ZNF846: variants seen among roughly 807,000 people sequenced by gnomAD.
The protein encoded by ZNF846 is zinc finger protein 420 pseudogene.
ZNF846 carries 15 observed loss-of-function variants against 16.0 expected under a neutral mutation model. That is an observed-to-expected ratio of 0.94 (90% confidence interval 0.63 to 1.45). ZNF846 has a LOEUF of 1.45. Ranked by LOEUF, ZNF846 falls within the 40% of genes most tolerant of loss-of-function variation. The pLI, the probability that ZNF846 is intolerant of heterozygous loss-of-function variation, is 0.00. For missense variants in ZNF846, 714 were observed against 622.3 expected (o/e 1.15, Z -1.57); for synonymous variants, 229 against 212.0 (o/e 1.08, Z -0.70).
chr19:9,748,936 C>T (rs2045064236), downstream of ZNF846, among the ~76,000 whole-genome samples: 1 of 152,136 alleles, frequency 6.6e-6, no homozygotes, highest in Admixed American at 6.5e-5. Context: ...GATTCCCAGC[C>T]ATATGAAGAC....
chr19:9,780,913 C>A (rs1599404034), intron 1 of ZNF846, among the ~76,000 whole-genome samples: 2 of 152,214 alleles, frequency 1.3e-5, no homozygotes, highest in South Asian at 4.1e-4. Context: ...CACTGATACC[C>A]ATGACACATC....
chr19:9,774,944 A>G, intron 1 of ZNF846: 1 of 1,609,502 alleles, frequency 6.2e-7, no homozygotes, highest in Non-Finnish European at 8.5e-7. Flanking sequence ...ATATGGGGAA[A>G]GTGACCTGTG....
At chr19:9,785,203 T>TC in intron 1 of ZNF846, among the ~76,000 whole-genome samples, 1 of 144,702 alleles carries the variant, frequency 6.9e-6, no homozygotes, top group South Asian at 2.3e-4. Context: ...CACCGAGATT[T>TC]TTTTTTTTTT....
rs530751586 is a variant in ZNF846 at position 9,757,521 on chromosome 19, G to A, written c.1556C>T (p.Ser519Leu). The A allele has an allele frequency of 3.5e-4, 564 of 1,610,316 alleles. 6 individuals are homozygous for A. In the South Asian group the frequency reaches 5.6e-3, roughly 16 times the overall value. Residue 519 changes from serine (S) to leucine (L), a missense_variant, in exon 6 of 6, where the codon TCA becomes TTA. Coordinates refer to ENST00000397902, the Ensembl canonical transcript of ZNF846. ...AGTTCTTAGATGTTTAGCAAGTGCTGAAGATTGAGTGAAGTTTTTCCCACA... is the reference window on the plus strand; with the variant it reads ...AGTTCTTAGATGTTTAGCAAGTGCTAAAGATTGAGTGAAGTTTTTCCCACA...
In ZNF846 at chr19:9,758,530, GA is replaced by G. The variant is rs1310794099; in HGVS notation, c.546del (p.Pro183GlnfsTer35). 3.1e-6 allele frequency: 5 copies of G among 1,613,328 alleles called. No homozygotes were observed. In the South Asian group the frequency reaches 3.3e-5, roughly 11 times the overall value. Reference sequence around the variant, plus strand: ...GTTTTATTCTGCCTAGTAAGATTTGGAAACTGGTTGAAGGCTTTTTCATGTT... The same window carrying G: ...GTTTTATTCTGCCTAGTAAGATTTGGAACTGGTTGAAGGCTTTTTCATGTT... On this transcript the variant is annotated frameshift_variant, in exon 6 of 6. Coordinates refer to ENST00000397902, the Ensembl canonical transcript of ZNF846. LOFTEE classifies it low-confidence loss of function (END_TRUNC).
chr19:9,783,536 A>ATAT (rs1340564433), intron 1 of ZNF846, among the ~76,000 whole-genome samples: 12 of 108,348 alleles, frequency 1.1e-4, no homozygotes, highest in Admixed American at 8.6e-4. Flanking sequence ...TAAAAAAAAA[A>ATAT]AAAAAAAAAT....
At chr19:9,771,323 A>G (rs1490360787), upstream of ZNF846, among the ~76,000 whole-genome samples, 1 of 152,054 alleles carries the variant, frequency 6.6e-6, no homozygotes, top group South Asian at 2.1e-4. Flanking sequence ...GATTACAGAC[A>G]TGCGCCACCA....
downstream of ZNF846, among the ~76,000 whole-genome samples, chr19:9,750,765 G>T (rs2045077538): frequency 6.6e-6 from 1 of 152,102 alleles, no homozygotes; most frequent in Non-Finnish European, 1.5e-5. Context: ...ACACCATTCT[G>T]CAGCCTCTCT....
At chr19:9,768,810 C>T (rs1455203687), upstream of ZNF846, 1 of 152,260 alleles carries the variant, frequency 6.6e-6, no homozygotes, top group Non-Finnish European at 1.5e-5. Context: ...GCCCCAAGAG[C>T]TTTGGAATGA....
chr19:9,762,108 C>G (rs758271592), exon 4 of ZNF846: 2 of 1,614,040 alleles, frequency 1.2e-6, no homozygotes, highest in East Asian at 4.5e-5. Flanking sequence ...CACTCCTGTC[C>G]TCAGCTCTTC....
At position 9,758,575 on chromosome 19, in the gene ZNF846, T is replaced by A. The variant is rs369007372; in HGVS notation, c.502A>T (p.Lys168Ter). 1 of 1,612,614 alleles carries A rather than the reference T, an allele frequency of 6.2e-7. No homozygotes were observed. The highest frequency in any genetic ancestry group is 8.5e-7 in the Non-Finnish European group (1 of 1,179,418). Residue 168 changes from lysine to a stop codon, truncating the protein, a stop_gained, in exon 6 of 6, where the codon AAA (lysine) becomes TAA (stop). Coordinates refer to ENST00000397902, the Ensembl canonical transcript of ZNF846. LOFTEE classifies it low-confidence loss of function (END_TRUNC). ...TCATGTTTAACACACTTAGGCATTTTCCCCTCAGCATGACTTTTCTTGTAA... is the reference window on the plus strand; with the variant it reads ...TCATGTTTAACACACTTAGGCATTTACCCCTCAGCATGACTTTTCTTGTAA...
At chr19:9,769,381 T>C (rs962330682), upstream of ZNF846, among the ~76,000 whole-genome samples, 1 of 152,050 alleles carries the variant, frequency 6.6e-6, no homozygotes, top group African/African-American at 2.4e-5. Flanking sequence ...CACGCCTGGC[T>C]AATTTATTTT....
upstream of ZNF846, among the ~76,000 whole-genome samples, chr19:9,769,192 C>T (rs1271933382): frequency 6.6e-6 from 1 of 152,116 alleles, no homozygotes; most frequent in East Asian, 1.9e-4. Flanking sequence ...TGAAGCTATC[C>T]TCCCGCCTCG....
At chr19:9,756,382 T>TATATATATATATAC (rs1411472302), downstream of ZNF846, 11 of 119,520 alleles carry the variant, frequency 9.2e-5, no homozygotes, top group African/African-American at 3.1e-4. Context: ...TATATATATA[T>TATATATATATATAC]ATAAAGACAT....
downstream of ZNF846, among the ~76,000 whole-genome samples, chr19:9,748,633 A>G (rs2045062371): frequency 6.6e-6 from 1 of 152,136 alleles, no homozygotes. Context: ...ATTTTGTTCC[A>G]TTGGTCTATA....
At chr19:9,771,380 G>A (rs759238722), upstream of ZNF846, among the ~76,000 whole-genome samples, 7 of 152,064 alleles carry the variant, frequency 4.6e-5, no homozygotes, top group Non-Finnish European at 7.4e-5. Flanking sequence ...GTTTTCCCAC[G>A]TTGGCCAGGC....
intron 1 of ZNF846, chr19:9,774,360 C>T (rs957705214): frequency 2.1e-5 from 10 of 485,072 alleles, no homozygotes; most frequent in East Asian, 1.2e-4. Flanking sequence ...CCCAGCTACT[C>T]GGGAGGCTGA....
chr19:9,758,321 C>A, exon 6 of ZNF846: 1 of 1,613,510 alleles, frequency 6.2e-7, no homozygotes, highest in East Asian at 2.2e-5. Context: ...AGACATAGGG[C>A]TTCTCTCCAC....
chr19:9,785,487 G>A lies in ZNF846; in HGVS notation c.-86+451C>T, dbSNP rs548061403. ...TCCCCTCACCACTACTCTCTTTCAC[G>A]GAGACCCCACCCCCATCTCTCCCTT... On this transcript the variant is annotated intron_variant, in intron 1 of 4. Coordinates refer to the ZNF846 transcript ENST00000586814. Among the ~76,000 whole-genome samples the A allele has an allele frequency of 3.4e-5, 5 of 148,852 alleles. No homozygotes were observed. The South Asian group carries it at 1.1e-3, about 32-fold the overall frequency.
Sources: gnomAD v4.1 joint callset for allele counts (sites outside exome capture counted in the v4.1 genomes callset) on GRCh38, gnomAD v4.1.1 for gene constraint, MANE v1.5 for transcripts, NCBI Gene and HGNC (gene_info 2026-07-23, HGNC 2026-07-21) for gene names.